CNNM3: variants seen among roughly 807,000 people sequenced by gnomAD.
The protein encoded by CNNM3 is cyclin and CBS domain divalent metal cation transport mediator 3.
CNNM3 carries 47 observed loss-of-function variants against 57.1 expected under a neutral mutation model. The observed-to-expected ratio is 0.82, with a 90% CI of 0.65 to 1.05. The LOEUF is 1.05. CNNM3 is among the 50% of genes least tolerant of loss of function. The pLI is 0.00. For missense variants in CNNM3, 957 were observed against 973.7 expected (o/e 0.98, Z 0.23); for synonymous variants, 507 against 478.2 (o/e 1.06, Z -0.79).
At chr2:96,837,153 C>G (rs904902833), downstream of CNNM3, 3 of 152,134 alleles carry the variant, frequency 2.0e-5, no homozygotes, top group Admixed American at 6.6e-5. Context: ...TGGACTGATT[C>G]CTCCTCTCAC....
intron 1 of CNNM3, among the ~76,000 whole-genome samples, chr2:96,822,476 A>G (rs141379976): frequency 2.8e-3 from 426 of 152,192 alleles, no homozygotes; most frequent in African/African-American, 9.5e-3. Context: ...TCCCCAGCTA[A>G]TTTTTAATTT....
chr2:96,825,081 C>G lies in CNNM3; in HGVS notation c.1249C>G (p.Gln417Glu). ...AGGGAAGTCCCACCTGGCCATCGTG[C>G]AGAAGGTGAACAACGAGGGTGAAGG... is the stretch of plus-strand genomic sequence containing the variant. The part of the protein sequence containing the change: ...KRGKSHLAIV[Q>E]KVNNEGEGDP... Residue 417 changes from glutamine to glutamate, a missense_variant, in exon 2 of 8, where the codon CAG (glutamine) becomes GAG (glutamate). Physicochemically the swap from Gln to Glu is conservative, Grantham distance 29. Around this residue, in one of 2 missense-constraint regions of CNNM3, gnomAD observed 491 missense variants for 570.6 expected, o/e 0.86. Transcript: ENST00000305510. 1 of 1,613,308 alleles carries G rather than the reference C, an allele frequency of 6.2e-7. No individual in the cohort carries two copies. Among genetic ancestry groups the G allele is most frequent in the South Asian group, 1.1e-5 (1 of 91,038 alleles).
At chr2:96,835,807 G>A (rs1264138391), downstream of CNNM3, among the ~76,000 whole-genome samples, 1 of 152,146 alleles carries the variant, frequency 6.6e-6, no homozygotes, top group Non-Finnish European at 1.5e-5. Flanking sequence ...AACCTAGGAT[G>A]ATCAGTTTCC....
rs888159923 is a variant in CNNM3 at position 96,824,987 on chromosome 2, C to T, written c.1226-71C>T. The stretch of plus-strand genomic sequence containing the variant: ...CGTTAGCCGTGTCCTTTTGGTGGGC[C>T]TATACCAGGGGAGATGAATCAAACT... On this transcript the variant is annotated intron_variant, in intron 1 of 7. Transcript: ENST00000305510. 3.8e-6 allele frequency: 6 copies of T among 1,576,574 alleles called. No individual in the cohort carries two copies. In the African/African-American group the frequency reaches 8.1e-5, roughly 21 times the overall value.
At chr2:96,819,177 G>T (rs1376023948) in intron 1 of CNNM3, among the ~76,000 whole-genome samples, 1 of 152,206 alleles carries the variant, frequency 6.6e-6, no homozygotes, top group African/African-American at 2.4e-5. Context: ...CCTGCCCTGG[G>T]GAGGGAGCCT....
chr2:96,835,757 G>A (rs190596401), downstream of CNNM3, among the ~76,000 whole-genome samples: 266 of 152,214 alleles, frequency 1.7e-3, no homozygotes, highest in East Asian at 8.7e-3. Context: ...GTGAGCCACC[G>A]CACCTGGCCA....
downstream of CNNM3, chr2:96,836,608 G>A (rs1013282047): frequency 3.3e-5 from 5 of 152,130 alleles, no homozygotes; most frequent in African/African-American, 1.2e-4. Flanking sequence ...TCAAACTCAT[G>A]AGCTCAAGTG....
chr2:96,827,913 C>G lies in CNNM3; in HGVS notation c.1689+13C>G. 1 of 1,607,688 alleles carries G rather than the reference C, an allele frequency of 6.2e-7. No individual in the cohort carries two copies. The highest frequency in any genetic ancestry group is 8.5e-7 in the Non-Finnish European group (1 of 1,175,480). On this transcript the variant is annotated intron_variant, in intron 4 of 7. Transcript: ENST00000305510. ...TCTCATCCTGCAGGTAGCTGTGGGTCCCAGGCCTGGAGTCCCTCCTGCTTC... is the reference window on the plus strand; with the variant it reads ...TCTCATCCTGCAGGTAGCTGTGGGTGCCAGGCCTGGAGTCCCTCCTGCTTC...
chr2:96,820,973 C>G (rs4907252), intron 1 of CNNM3, among the ~76,000 whole-genome samples: 1,725 of 152,292 alleles, frequency 0.011, 124 homozygotes, highest in Admixed American at 0.1. Flanking sequence ...CAGCCCGATG[C>G]AGGAGGATTT....
In CNNM3 at chr2:96,827,845, A is replaced by G. The variant is rs769584782; in HGVS notation, c.1634A>G (p.His545Arg). The change falls in exon 4 of 8, where the codon CAC becomes CGC. Residue 545 changes from histidine (H) to arginine (R), a missense_variant. Physicochemically the swap from His to Arg is conservative, Grantham distance 29 (BLOSUM62 0). Around this residue, in one of 2 missense-constraint regions of CNNM3, gnomAD observed 491 missense variants for 570.6 expected, o/e 0.86. Transcript: ENST00000305510. ...RFDESNRLATHHYLYQRSQPV... is the reference protein window; with the variant it reads ...RFDESNRLATRHYLYQRSQPV... ...GACGAGAGCAACCGGCTGGCCACAC[A>G]CCACTACCTGTACCAGCGCAGCCAG... The G allele has an allele frequency of 6.2e-7, 1 of 1,614,142 alleles. No homozygotes were observed. Among genetic ancestry groups the G allele is most frequent in the Non-Finnish European group, 8.5e-7 (1 of 1,180,032 alleles).
chr2:96,824,925 G>C (rs759972905), intron 1 of CNNM3, 133 bp from the exon 2 acceptor site: 23 of 923,952 alleles, frequency 2.5e-5, no homozygotes, highest in Non-Finnish European at 3.4e-5. Context: ...CTAGAAAAGA[G>C]TGTGGCTCTG....
chr2:96,832,340 C>T (rs1206127398), intron 7 of CNNM3: 1 of 985,302 alleles, frequency 1.0e-6, no homozygotes, highest in African/African-American at 1.7e-5. Flanking sequence ...GCCAGAAATC[C>T]ACAGCCCCAG....
rs1212720024 is a variant in CNNM3, at chr2:96,816,537, G to A, written c.260G>A (p.Arg87Gln). 2.2e-6 allele frequency: 3 copies of A among 1,344,302 alleles called. No individual in the cohort carries two copies. The highest frequency in any genetic ancestry group is 1.9e-5 in the South Asian group (1 of 52,698). The allele number at this position is 1,344,302 out of a possible 1,614,324, so 83.3% of individuals were successfully genotyped here. Residue 87 changes from arginine to glutamine, a missense_variant, in exon 1 of 8, where the codon CGG (arginine) becomes CAG (glutamine). By Grantham distance (43) the Arg-to-Gln change is conservative. Transcript: ENST00000305510. ...GTGGCCCCGGAGGGGGCGGGCTGCC[G>A]GGAGGAGGCGGCCTCCCCCGCGGGC... ...SWVAPEGAGC[R>Q]EEAASPAGEW...
In CNNM3 at chr2:96,822,577, TG is replaced by T. The variant is rs576746228; in HGVS notation, c.1226-2478del. On this transcript the variant is annotated intron_variant, in intron 1 of 7. Coordinates refer to ENST00000305510, the MANE Select transcript of CNNM3 (RefSeq NM_017623.5). The stretch of plus-strand genomic sequence containing the variant: ...CTCCCAGCTCAGCTTCCCAAAGAGA[TG>T]GGATTACAGGTGTTTCCCACTGTGC... Among the ~76,000 whole-genome samples the T allele has an allele frequency of 4.7e-3, 718 of 152,282 alleles. 8 individuals carry two copies. Among genetic ancestry groups the T allele is most frequent in the African/African-American group, 0.017 (697 of 41,570 alleles).
chr2:96,828,233 G>C, intron 5 of CNNM3, 38 bp downstream of exon 5: 3 of 1,521,108 alleles, frequency 2.0e-6, no homozygotes, highest in South Asian at 1.1e-5. Flanking sequence ...GGCCAGGGTG[G>C]AGGCTGCAGA....
rs1193397350 is a variant in CNNM3 at position 96,835,209 on chromosome 2, T to G, written c.*2593T>G. On this transcript the variant is annotated 3_prime_UTR_variant, in exon 8 of 8. Coordinates refer to ENST00000305510, the MANE Select transcript of CNNM3 (RefSeq NM_017623.5). ...AGTGTGTAAGCATTCGGGATTGTCT[T>G]TTTTCACTCGGCGTCATTCTCGGGA... Among the ~76,000 whole-genome samples the G allele has an allele frequency of 6.6e-6, 1 of 152,220 alleles. No homozygotes were observed. Among genetic ancestry groups the G allele is most frequent in the Non-Finnish European group, 1.5e-5 (1 of 68,032 alleles).
rs1574095227 is a variant in CNNM3 at position 96,816,335 on chromosome 2, C to T, written c.58C>T (p.Leu20=). The T allele has an allele frequency of 7.8e-7, 1 of 1,289,774 alleles. No individual in the cohort carries two copies. Among genetic ancestry groups the T allele is most frequent in the Non-Finnish European group, 9.8e-7 (1 of 1,018,802 alleles). 79.9% of individuals were successfully genotyped at this position (1,289,774 alleles called of 1,614,324 possible). ...RLGWLFAALC[L]GNAAGEAAPG... is the part of the protein sequence containing the mutation. ...AGGCTGGTTGTTCGCCGCGCTCTGC[C>T]TGGGCAACGCCGCGGGGGAGGCCGC... is the stretch of plus-strand genomic sequence containing the variant. Residue 20 remains leucine (L), a synonymous_variant, in exon 1 of 8, where the codon CTG becomes TTG. Transcript: ENST00000305510.
chr2:96,824,760 G>A (rs1390422303), intron 1 of CNNM3: 1 of 396,402 alleles, frequency 2.5e-6, no homozygotes, highest in African/African-American at 2.0e-5. Flanking sequence ...CTGCATCCAT[G>A]TCATGGAGGT....
chr2:96,824,220 T>C (rs927630250), intron 1 of CNNM3, among the ~76,000 whole-genome samples: 22 of 152,206 alleles, frequency 1.4e-4, no homozygotes, highest in African/African-American at 5.1e-4. Context: ...ACTTGGGCTT[T>C]TTTCCAAGCT....
Sources: allele counts gnomAD v4.1 joint callset (sites outside exome capture counted in the v4.1 genomes callset), GRCh38; gene constraint gnomAD v4.1.1; regional missense constraint gnomAD v4.1.1; transcripts MANE v1.5; gene names NCBI Gene and HGNC (gene_info 2026-07-23, HGNC 2026-07-21).